PARD3: variants seen among roughly 807,000 people sequenced by gnomAD.
PARD3 encodes par-3 family cell polarity regulator.
PARD3 carries 75 observed loss-of-function variants against 155.4 expected under a neutral mutation model. The ratio of observed to expected loss-of-function variants is 0.48; its 90% CI spans 0.40 to 0.58. PARD3 has a LOEUF of 0.58. Among genes scored for constraint, PARD3 ranks in the 20% least tolerant of loss-of-function variants. PARD3 has a pLI of 0.00. For synonymous variants in PARD3, 576 were observed against 610.5 expected (o/e 0.94, Z 0.83); for missense variants, 1,642 against 1,721.7 (o/e 0.95, Z 0.82).
intron 6 of PARD3, among the ~76,000 whole-genome samples, chr10:34,400,481 T>C (rs1019302516): frequency 3.9e-5 from 6 of 152,302 alleles, no homozygotes; most frequent in African/African-American, 1.4e-4. Flanking sequence ...CATATATACA[T>C]ATAACATCAG....
intron 1 of PARD3, among the ~76,000 whole-genome samples, chr10:34,795,829 G>A (rs892600254): frequency 1.3e-5 from 2 of 152,176 alleles, no homozygotes; most frequent in Admixed American, 1.3e-4. Flanking sequence ...ATGAGGTGGA[G>A]GTTGTAGTGA....
chr10:34,750,692 T>C (rs923667142), intron 1 of PARD3, among the ~76,000 whole-genome samples: 62 of 66,268 alleles, frequency 9.4e-4, no homozygotes, highest in African/African-American at 3.6e-3. Flanking sequence ...GACATAACAA[T>C]TTTTTTTTTT....
chr10:34,264,050 T>C (rs748741985), intron 22 of PARD3, among the ~76,000 whole-genome samples: 2 of 152,212 alleles, frequency 1.3e-5, no homozygotes, highest in Non-Finnish European at 2.9e-5. Context: ...GTCCCGGACT[T>C]GCTATGATTC....
intron 5 of PARD3, among the ~76,000 whole-genome samples, chr10:34,420,917 T>G (rs1175396372): frequency 1.3e-5 from 2 of 152,248 alleles, no homozygotes; most frequent in East Asian, 3.8e-4. Flanking sequence ...GACTCATGTC[T>G]GTAATCCCAA....
intron 5 of PARD3, among the ~76,000 whole-genome samples, chr10:34,446,890 T>G: frequency 6.6e-6 from 1 of 152,328 alleles, no homozygotes; most frequent in East Asian, 1.9e-4. Context: ...TGTAAAACAT[T>G]TATGATTTCT....
At chr10:34,462,036 T>A (rs2132959437) in intron 4 of PARD3, among the ~76,000 whole-genome samples, 1 of 152,358 alleles carries the variant, frequency 6.6e-6, no homozygotes, top group African/African-American at 2.4e-5. Flanking sequence ...GAAATGATTA[T>A]AACCATACTG....
At chr10:34,765,262 T>A (rs10764003) in intron 1 of PARD3, among the ~76,000 whole-genome samples, 103,581 of 152,068 alleles carry the variant, frequency 0.68, 35,347 homozygotes, top group Non-Finnish European at 0.72. Flanking sequence ...TTCCGATTTA[T>A]AGCATTCCAT....
At chr10:34,628,191 G>A (rs1043525558) in intron 2 of PARD3, among the ~76,000 whole-genome samples, 2 of 152,208 alleles carry the variant, frequency 1.3e-5, no homozygotes, top group African/African-American at 4.8e-5. Context: ...CTGCACAGGA[G>A]CTTAGACAAG....
intron 22 of PARD3, among the ~76,000 whole-genome samples, chr10:34,142,074 A>G (rs1479295445): frequency 6.6e-6 from 1 of 152,194 alleles, no homozygotes; most frequent in Non-Finnish European, 1.5e-5. Flanking sequence ...TAAACCTCAA[A>G]GATGGTGGAC....
chr10:34,112,041 G>A (rs1946411183), intron 24 of PARD3, among the ~76,000 whole-genome samples: 1 of 152,168 alleles, frequency 6.6e-6, no homozygotes, highest in Non-Finnish European at 1.5e-5. Flanking sequence ...CTAATATGAA[G>A]TACATGTAAT....
intron 5 of PARD3, among the ~76,000 whole-genome samples, chr10:34,430,059 G>A (rs190782350): frequency 2.6e-5 from 4 of 152,206 alleles, no homozygotes; most frequent in Admixed American, 1.3e-4. Flanking sequence ...ACAAAAAGCA[G>A]CTTAGCCATA....
chr10:34,269,019 T>C (rs1955481731), intron 22 of PARD3, among the ~76,000 whole-genome samples: 2 of 152,168 alleles, frequency 1.3e-5, no homozygotes, highest in South Asian at 4.1e-4. Flanking sequence ...GACATGATCA[T>C]TACACATTCT....
intron 5 of PARD3, among the ~76,000 whole-genome samples, chr10:34,430,859 G>T (rs1056995638): frequency 1.3e-5 from 2 of 152,142 alleles, no homozygotes; most frequent in African/African-American, 4.8e-5. Context: ...TCTGATTGTG[G>T]GCATATTACA....
At chr10:34,596,541 G>A (rs147148992) in intron 2 of PARD3, among the ~76,000 whole-genome samples, 50 of 152,216 alleles carry the variant, frequency 3.3e-4, no homozygotes, top group Admixed American at 1.4e-3. Flanking sequence ...ACCAGATCTC[G>A]CAAGAACTCA....
rs187290940 is a variant in PARD3 at position 34,462,083 on chromosome 10, T to A, written c.582+8002A>T. ...GAAAATGTGCTGCATTCAAATAAGA[T>A]ATTTTAATATGCAAAATAGAAGGGT... On this transcript the variant is annotated intron_variant, in intron 4 of 24. Transcript: ENST00000374788. Among the ~76,000 whole-genome samples, 435 of 152,356 alleles carry A rather than the reference T, an allele frequency of 2.9e-3. 3 individuals are homozygous for A. The highest frequency in any genetic ancestry group is 9.9e-3 in the African/African-American group (410 of 41,580).
At chr10:34,673,886 G>T (rs560294442) in intron 2 of PARD3, among the ~76,000 whole-genome samples, 2 of 151,928 alleles carry the variant, frequency 1.3e-5, no homozygotes, top group East Asian at 3.9e-4. Context: ...AGCTATGTGG[G>T]AGGCTGAAGA....
chr10:34,613,890 G>A (rs2091077014), intron 2 of PARD3, among the ~76,000 whole-genome samples: 1 of 152,080 alleles, frequency 6.6e-6, no homozygotes, highest in African/African-American at 2.4e-5. Flanking sequence ...TGCATCACAA[G>A]CTACGAATTT....
intron 14 of PARD3, among the ~76,000 whole-genome samples, chr10:34,357,980 A>G (rs1486660939): frequency 6.6e-6 from 1 of 152,244 alleles, no homozygotes; most frequent in Non-Finnish European, 1.5e-5. Flanking sequence ...TATTAAACAG[A>G]AGTTTAAAAA....
intron 1 of PARD3, among the ~76,000 whole-genome samples, chr10:34,740,289 C>T (rs1247163024): frequency 1.3e-5 from 2 of 152,186 alleles, no homozygotes; most frequent in Non-Finnish European, 2.9e-5. Flanking sequence ...CTCCGACAGC[C>T]CTCCTGGGTT....
Sources: allele counts gnomAD v4.1 joint callset (sites outside exome capture counted in the v4.1 genomes callset), GRCh38; gene constraint gnomAD v4.1.1; transcripts MANE v1.5; gene names NCBI Gene and HGNC (gene_info 2026-07-23, HGNC 2026-07-21).